NFIB: variants seen among roughly 807,000 people sequenced by gnomAD.
NFIB encodes the protein nuclear factor I B.
A neutral mutation model predicts 61.5 loss-of-function variants in NFIB; 11 were observed. The ratio of observed to expected loss-of-function variants is 0.18; its 90% CI spans 0.11 to 0.30. NFIB has a LOEUF of 0.30. NFIB is among the 10% of genes least tolerant of loss of function. The pLI, the probability that NFIB is intolerant of heterozygous loss-of-function variation, is 1.00. For synonymous variants in NFIB, 260 were observed against 216.5 expected (o/e 1.20, Z -1.76); for missense variants, 471 against 608.9 (o/e 0.77, Z 2.38).
chr9:14,499,144 C>T, the NFIB span, among the ~76,000 whole-genome samples: 1 of 152,014 alleles, frequency 6.6e-6, no homozygotes, highest in South Asian at 2.1e-4. Context: ...GATTTCAGAA[C>T]CACCATTTAT....
the NFIB span, among the ~76,000 whole-genome samples, chr9:14,510,180 G>C: frequency 6.6e-6 from 1 of 152,224 alleles, no homozygotes; most frequent in Non-Finnish European, 1.5e-5. Flanking sequence ...ACAGGCGTGA[G>C]CCACCGTGCC....
chr9:14,155,481 T>C lies in NFIB; in HGVS notation c.685+344A>G, dbSNP rs149151130. Among the ~76,000 whole-genome samples the C allele has an allele frequency of 5.9e-3, 896 of 152,296 alleles. 10 individuals carry two copies. Among genetic ancestry groups the C allele is most frequent in the African/African-American group, 0.019 (790 of 41,552 alleles). On this transcript the variant is annotated intron_variant, in intron 4 of 10. Transcript: ENST00000380953. ...AAAGCACTTATCTACAGGAAACTTATGTGGGTTATCATAACAACATAGAGT... is the reference window on the plus strand; with the variant it reads ...AAAGCACTTATCTACAGGAAACTTACGTGGGTTATCATAACAACATAGAGT...
chr9:14,334,501 AT>A (rs1310941062), intron 1 of NFIB, among the ~76,000 whole-genome samples: 1 of 152,076 alleles, frequency 6.6e-6, no homozygotes, highest in African/African-American at 2.4e-5. Flanking sequence ...GTCTGTTCAA[AT>A]ATTTTTCCCG....
chr9:14,324,207 TAACA>T (rs1308556562), intron 1 of NFIB, among the ~76,000 whole-genome samples: 4 of 152,126 alleles, frequency 2.6e-5, no homozygotes, highest in African/African-American at 9.7e-5. Context: ...TTCAAGTGGG[TAACA>T]AACAGATCTG....
intron 2 of NFIB, among the ~76,000 whole-genome samples, chr9:14,256,073 T>C (rs1021524719): frequency 2.0e-5 from 3 of 152,218 alleles, no homozygotes; most frequent in Admixed American, 1.3e-4. Flanking sequence ...CACAGGGCTA[T>C]TATGAGTATA....
intron 2 of NFIB, among the ~76,000 whole-genome samples, chr9:14,238,578 G>A (rs919856246): frequency 2.0e-5 from 3 of 152,070 alleles, no homozygotes; most frequent in African/African-American, 7.2e-5. Context: ...GAACAGCATC[G>A]AGTACCTAAG....
chr9:14,371,442 C>A (rs565795802), intron 1 of NFIB, among the ~76,000 whole-genome samples: 5 of 152,176 alleles, frequency 3.3e-5, no homozygotes, highest in African/African-American at 1.2e-4. Flanking sequence ...GCTGGGGAGT[C>A]AGGGGCTATA....
Position 14,366,889 on chromosome 9 carries a change from T to C in NFIB, c.108+31635A>G, listed in dbSNP as rs114949969. Among the ~76,000 whole-genome samples the C allele has an allele frequency of 3.0e-3, 456 of 152,330 alleles. 1 individual carries two copies. Among genetic ancestry groups the C allele is most frequent in the African/African-American group, 0.01 (429 of 41,586 alleles). ...TCCAATCTCTTGCACTGAAGAGTGA[T>C]GAAATGAACACATTTCAGGCACCTC... On this transcript the variant is annotated intron_variant, in intron 1 of 8. Transcript: ENST00000380934.
At chr9:14,209,343 G>A (rs10119190) in intron 2 of NFIB, among the ~76,000 whole-genome samples, 68,203 of 152,060 alleles carry the variant, frequency 0.45, 17,827 homozygotes, top group African/African-American at 0.72. Flanking sequence ...TGCAATGACG[G>A]GCACTGACAA....
At chr9:14,455,686 T>C in the NFIB span, among the ~76,000 whole-genome samples, 7 of 151,964 alleles carry the variant, frequency 4.6e-5, no homozygotes, top group Admixed American at 1.3e-4. Context: ...AAATGTACCA[T>C]CAAAAAAAGG....
intron 1 of NFIB, among the ~76,000 whole-genome samples, chr9:14,375,173 G>A (rs950243824): frequency 1.3e-5 from 2 of 152,086 alleles, no homozygotes; most frequent in African/African-American, 4.8e-5. Context: ...GGATGCACAG[G>A]GCTCATATAG....
chr9:14,503,015 G>C, the NFIB span, among the ~76,000 whole-genome samples: 1 of 151,898 alleles, frequency 6.6e-6, no homozygotes, highest in East Asian at 1.9e-4. Context: ...CTTAGAATGA[G>C]AGTCTCCAAT....
the NFIB span, among the ~76,000 whole-genome samples, chr9:14,438,074 T>G: frequency 2.9e-5 from 4 of 139,336 alleles, no homozygotes; most frequent in Admixed American, 7.1e-5. Flanking sequence ...GTGTGTGAGA[T>G]GGAGAGAGAG....
intron 3 of NFIB, among the ~76,000 whole-genome samples, chr9:14,174,490 G>A (rs1160681309): frequency 6.6e-6 from 1 of 152,116 alleles, no homozygotes; most frequent in Admixed American, 6.5e-5. Context: ...GAATGAGGCC[G>A]GGTGCGGTGG....
chr9:14,220,884 C>CACACA (rs1373357656), intron 2 of NFIB, among the ~76,000 whole-genome samples: 2 of 148,298 alleles, frequency 1.3e-5, no homozygotes, highest in East Asian at 4.0e-4. Flanking sequence ...CACACACACA[C>CACACA]ACCACATCCC....
At chr9:14,228,197 CTTTT>C (rs199731438) in intron 2 of NFIB, among the ~76,000 whole-genome samples, 6 of 132,554 alleles carry the variant, frequency 4.5e-5, no homozygotes, top group Admixed American at 7.7e-5. Flanking sequence ...CTTTATGATT[CTTTT>C]TTTTTTTTTT....
the NFIB span, among the ~76,000 whole-genome samples, chr9:14,438,731 C>T: frequency 2.0e-5 from 3 of 152,118 alleles, no homozygotes; most frequent in African/African-American, 7.2e-5. Context: ...TGGGCCAGGC[C>T]TCTATTTGGA....
At position 14,112,988 on chromosome 9, in the gene NFIB, A is replaced by G. The variant is rs2037607786; in HGVS notation, c.1467+11T>C. 1 of 1,549,650 alleles carries G rather than the reference A, an allele frequency of 6.5e-7. No homozygotes were observed. Among genetic ancestry groups the G allele is most frequent in the South Asian group, 1.2e-5 (1 of 83,978 alleles). On this transcript the variant is annotated intron_variant, in intron 10 of 10. Transcript: ENST00000380953. The stretch of plus-strand genomic sequence containing the variant: ...TGGCTACACCGTCACACCTGGGTGA[A>G]ACTTGCCCACCTGTTGCTGATGTAG...
chr9:14,385,894 T>C (rs1262561874), intron 1 of NFIB, among the ~76,000 whole-genome samples: 1 of 151,890 alleles, frequency 6.6e-6, no homozygotes, highest in Non-Finnish European at 1.5e-5. Context: ...GTGATTCTCC[T>C]GTCTCAGCCT....
Sources: gnomAD v4.1 joint callset for allele counts (sites outside exome capture counted in the v4.1 genomes callset) on GRCh38, gnomAD v4.1.1 for gene constraint, MANE v1.5 for transcripts, NCBI Gene and HGNC (gene_info 2026-07-23, HGNC 2026-07-21) for gene names.